SRD5A2: variants seen among roughly 807,000 people sequenced by gnomAD.
SRD5A2 encodes 3-oxo-5-alpha-steroid 4-dehydrogenase 2.
In SRD5A2, 30 loss-of-function variants were observed where a neutral mutation model predicts 27.4. The observed-to-expected ratio is 1.10, with a 90% CI of 0.82 to 1.49. SRD5A2 has a LOEUF of 1.49. Among genes scored for constraint, SRD5A2 ranks in the 40% most tolerant of loss-of-function variants. The probability of loss-of-function intolerance (pLI) is 0.00; values close to 1 mark genes in which losing one functional copy is unlikely to be tolerated. For synonymous variants in SRD5A2, 141 were observed against 133.6 expected (o/e 1.06, Z -0.38); for missense variants, 348 against 323.4 (o/e 1.08, Z -0.58).
the SRD5A2 span, among the ~76,000 whole-genome samples, chr2:31,656,142 G>C: frequency 6.6e-6 from 1 of 152,206 alleles, no homozygotes; most frequent in African/African-American, 2.4e-5. Context: ...CCACAACAGT[G>C]AATAGTAGTG....
the SRD5A2 span, among the ~76,000 whole-genome samples, chr2:31,590,316 A>G: frequency 6.6e-6 from 1 of 152,156 alleles, no homozygotes; most frequent in Non-Finnish European, 1.5e-5. Context: ...TGAGCATGGA[A>G]TGTTCTTCCA....
intron 1 of SRD5A2, among the ~76,000 whole-genome samples, chr2:31,545,275 G>T (rs1356279855): frequency 6.6e-6 from 1 of 151,870 alleles, no homozygotes; most frequent in Non-Finnish European, 1.5e-5. Context: ...GACACTATCA[G>T]AAAAGAAAAT....
chr2:31,580,314 C>G (rs1667045180), intron 1 of SRD5A2, among the ~76,000 whole-genome samples: 1 of 152,240 alleles, frequency 6.6e-6, no homozygotes. Flanking sequence ...CCTGAGCTTT[C>G]CAGGTCGCCT....
chr2:31,536,742 G>A (rs1302732800), intron 1 of SRD5A2, among the ~76,000 whole-genome samples: 1 of 152,204 alleles, frequency 6.6e-6, no homozygotes, highest in African/African-American at 2.4e-5. Context: ...AGAAGCGGGA[G>A]AGAGTCTATT....
At chr2:31,606,705 G>A in the SRD5A2 span, among the ~76,000 whole-genome samples, 3 of 151,888 alleles carry the variant, frequency 2.0e-5, no homozygotes, top group Non-Finnish European at 4.4e-5. Flanking sequence ...GCAAAAGTCA[G>A]GCTGATACTA....
In SRD5A2 at chr2:31,575,018, T is replaced by TA. The variant is rs540971845; in HGVS notation, c.281+5601dup. On this transcript the variant is annotated intron_variant, in intron 1 of 4. Transcript: ENST00000622030. ...AGAAAAAGTTTGCTGACTCTCATTC[T>TA]AAAAAAATCCTTCAATTAATCTTAA... is the stretch of plus-strand genomic sequence containing the variant. 1.4e-4 allele frequency among the ~76,000 whole-genome samples: 21 copies of TA among 152,342 alleles called. 1 individual carries two copies. In the South Asian group the frequency reaches 3.3e-3, roughly 24 times the overall value.
chr2:31,529,368 C>T lies in SRD5A2; in HGVS notation c.637G>A (p.Ala213Thr), dbSNP rs1333375178. 1.2e-6 allele frequency: 2 copies of T among 1,613,944 alleles called. No homozygotes were observed. Among genetic ancestry groups the T allele is most frequent in the South Asian group, 2.2e-5 (2 of 91,080 alleles). ...GYALATWSLP[A>T]LAFAFFSLCF... Reference sequence around the variant, plus strand: ...AGTGAGAAAAATGCAAATGCAAGTGCTGGGAGGGACCAAGTGGCCAGGGCA... The same window carrying T: ...AGTGAGAAAAATGCAAATGCAAGTGTTGGGAGGGACCAAGTGGCCAGGGCA... Residue 213 changes from alanine to threonine, a missense_variant, in exon 4 of 5, where the codon GCA (alanine) becomes ACA (threonine). Coordinates refer to ENST00000622030, the MANE Select transcript of SRD5A2 (RefSeq NM_000348.4).
chr2:31,548,451 T>A (rs1572640680), intron 1 of SRD5A2, among the ~76,000 whole-genome samples: 1 of 152,164 alleles, frequency 6.6e-6, no homozygotes, highest in African/African-American at 2.4e-5. Context: ...AAAGAAGCTA[T>A]GCAAATGGCC....
chr2:31,563,389 A>C (rs949420221), intron 1 of SRD5A2: 4 of 152,134 alleles, frequency 2.6e-5, no homozygotes, highest in African/African-American at 9.7e-5. Flanking sequence ...TAGAAAAAAA[A>C]AAGGTAAGTT....
Position 31,524,226 on chromosome 2 carries a change from A to G in SRD5A2, c.*1970T>C. The G allele has an allele frequency of 4.4e-6, 1 of 226,272 alleles. No homozygotes were observed. 14.0% of individuals were successfully genotyped at this position (226,272 alleles called of 1,614,324 possible). Reference sequence around the variant, plus strand: ...TTTTCAATGTCATGGAGAGAACTGGAAGTCTTTTATGTCACAGAGCTCAAG... The same window carrying G: ...TTTTCAATGTCATGGAGAGAACTGGGAGTCTTTTATGTCACAGAGCTCAAG... On this transcript the variant is annotated 3_prime_UTR_variant, in exon 5 of 5. Coordinates refer to ENST00000622030, the MANE Select transcript of SRD5A2 (RefSeq NM_000348.4).
the SRD5A2 span, among the ~76,000 whole-genome samples, chr2:31,617,005 T>C: frequency 5.3e-5 from 8 of 152,234 alleles, no homozygotes; most frequent in East Asian, 1.5e-3. Flanking sequence ...TCTTATGAGA[T>C]CGGATGATGG....
chr2:31,561,618 G>C (rs1666626400), intron 1 of SRD5A2, among the ~76,000 whole-genome samples: 1 of 152,028 alleles, frequency 6.6e-6, no homozygotes, highest in African/African-American at 2.4e-5. Context: ...GGAGACCTTG[G>C]AACTGTCCAC....
At chr2:31,548,757 A>G (rs1321414640) in intron 1 of SRD5A2, among the ~76,000 whole-genome samples, 1 of 152,170 alleles carries the variant, frequency 6.6e-6, no homozygotes, top group Non-Finnish European at 1.5e-5. Context: ...AGAACTGAAA[A>G]CAGGGTCTTG....
chr2:31,661,657 C>T, the SRD5A2 span, among the ~76,000 whole-genome samples: 1 of 152,066 alleles, frequency 6.6e-6, no homozygotes, highest in Non-Finnish European at 1.5e-5. Flanking sequence ...TTTAGTTTTC[C>T]GTATATTTAC....
chr2:31,589,642 G>C, the SRD5A2 span, among the ~76,000 whole-genome samples: 339 of 152,344 alleles, frequency 2.2e-3, 2 homozygotes, highest in African/African-American at 7.9e-3. Context: ...TTCAGGAAGG[G>C]AGGGCAGCCA....
Position 31,523,810 on chromosome 2 carries a change from T to C in SRD5A2, c.*2386A>G, listed in dbSNP as rs3731587. On this transcript the variant is annotated 3_prime_UTR_variant, in exon 5 of 5. Coordinates refer to ENST00000622030, the MANE Select transcript of SRD5A2 (RefSeq NM_000348.4). ...CACATGTTCAGACCTTTACTGTATT[T>C]AATCCACATACATATCCTAGCCCTA... 2.3e-4 allele frequency: 51 copies of C among 220,458 alleles called. No homozygotes were observed. The East Asian group carries it at 3.3e-3, about 14-fold the overall frequency. The allele number at this position is 220,458 out of a possible 1,614,324, so 13.7% of individuals were successfully genotyped here.
chr2:31,650,963 T>C, the SRD5A2 span, among the ~76,000 whole-genome samples: 1 of 152,206 alleles, frequency 6.6e-6, no homozygotes, highest in African/African-American at 2.4e-5. Context: ...TTTGTGGGCA[T>C]ACTTCAAGGG....
the SRD5A2 span, among the ~76,000 whole-genome samples, chr2:31,611,614 G>T: frequency 3.3e-5 from 5 of 152,106 alleles, no homozygotes; most frequent in East Asian, 9.6e-4. Flanking sequence ...TCCTGAAACT[G>T]CAAATTAAAA....
the SRD5A2 span, among the ~76,000 whole-genome samples, chr2:31,636,657 A>G: frequency 6.6e-6 from 1 of 152,010 alleles, no homozygotes; most frequent in Non-Finnish European, 1.5e-5. Context: ...TCCTCTACCC[A>G]TGTTGATGAG....
Sources: allele counts gnomAD v4.1 joint callset (sites outside exome capture counted in the v4.1 genomes callset), GRCh38; gene constraint gnomAD v4.1.1; transcripts MANE v1.5; gene names NCBI Gene and HGNC (gene_info 2026-07-23, HGNC 2026-07-21).